UBN1: variants seen among roughly 807,000 people sequenced by gnomAD.
The protein encoded by UBN1 is ubinuclein 1.
A neutral mutation model predicts 108.5 loss-of-function variants in UBN1; 17 were observed. The ratio of observed to expected loss-of-function variants is 0.16; its 90% CI spans 0.11 to 0.24. UBN1 has a LOEUF of 0.24. Among genes scored for constraint, UBN1 ranks in the 10% least tolerant of loss-of-function variants. UBN1 has a pLI of 1.00. For missense variants in UBN1, 1,595 were observed against 1,394.4 expected (o/e 1.14, Z -2.29); for synonymous variants, 726 against 564.2 (o/e 1.29, Z -4.07).
In UBN1 at chr16:4,870,824, T is replaced by C. The variant is rs753089166; in HGVS notation, c.1431-20T>C. On this transcript the variant is annotated intron_variant, in intron 10 of 17. Coordinates refer to ENST00000262376, the MANE Select transcript of UBN1 (RefSeq NM_001079514.3). ...GGCAGGAGCACCTTGGGGCCCCATG[T>C]AATTCTATTCACCCCGTAGGATGCT... 1.9e-6 allele frequency: 3 copies of C among 1,613,222 alleles called. No individual in the cohort carries two copies. Among genetic ancestry groups the C allele is most frequent in the Non-Finnish European group, 2.5e-6 (3 of 1,179,666 alleles).
chr16:4,864,102 A>G (rs1437101893), intron 7 of UBN1, among the ~76,000 whole-genome samples: 4 of 103,888 alleles, frequency 3.9e-5, no homozygotes, highest in East Asian at 4.9e-4. Context: ...TTTTTTTGAG[A>G]CAGAGTCTGA....
Position 4,860,680 on chromosome 16 carries a change from G to A in UBN1, c.688G>A (p.Ala230Thr), listed in dbSNP as rs1373967190. Reference protein sequence around the residue: ...FSKAGFTALNASKEKKKKKYS... With the variant: ...FSKAGFTALNTSKEKKKKKYS... ...TGCTTGCAGCTTCACAGCCCTCAATGCCAGTAAGGAGAAGAAGAAGAAGAA... is the reference window on the plus strand; with the variant it reads ...TGCTTGCAGCTTCACAGCCCTCAATACCAGTAAGGAGAAGAAGAAGAAGAA... The change falls in exon 7 of 18, where the codon GCC becomes ACC. Residue 230 changes from alanine to threonine, a missense_variant. By Grantham distance (58) the Ala-to-Thr change is moderately conservative. Transcript: ENST00000262376. 2 of 1,612,208 alleles carry A rather than the reference G, an allele frequency of 1.2e-6. No homozygotes were observed. The highest frequency in any genetic ancestry group is 8.5e-7 in the Non-Finnish European group (1 of 1,179,638).
In UBN1 at chr16:4,877,599, C is replaced by G. The variant is rs1244792333; in HGVS notation, c.3355+125C>G. 1.4e-6 allele frequency: 2 copies of G among 1,429,384 alleles called. No individual in the cohort carries two copies. The highest frequency in any genetic ancestry group is 1.5e-5 in the South Asian group (1 of 65,276). The allele number at this position is 1,429,384 out of a possible 1,614,324, so 88.5% of individuals were successfully genotyped here. A position where few individuals can be genotyped will look rare whatever the true frequency, so the allele number is the denominator to read the frequency against. ...TGACGCTGTTGTTGTTTTGGTTTGT[C>G]CTTTGAGGCTGTGCTTTGTCAGTAC... On this transcript the variant is annotated intron_variant, in intron 17 of 17. Coordinates refer to ENST00000262376, the MANE Select transcript of UBN1 (RefSeq NM_001079514.3). The surrounding 1 kb of genome is among the most constrained non-coding windows in gnomAD (Gnocchi z 4.3).
intron 2 of UBN1, among the ~76,000 whole-genome samples, chr16:4,854,774 A>T (rs561810866): frequency 6.7e-6 from 1 of 148,572 alleles, no homozygotes; most frequent in South Asian, 2.2e-4. Flanking sequence ...CCAGGCTGGC[A>T]TGCAGTGGTG....
chr16:4,878,602 C>T (rs2142300749), intron 17 of UBN1, among the ~76,000 whole-genome samples: 1 of 152,352 alleles, frequency 6.6e-6, no homozygotes, highest in Admixed American at 6.5e-5. Flanking sequence ...AAGTAAAGTG[C>T]AGTGACTTCT....
Position 4,874,191 on chromosome 16 carries a change from A to G in UBN1, c.1801-20A>G, listed in dbSNP as rs777266354. 4.6e-6 allele frequency: 7 copies of G among 1,528,136 alleles called. No individual in the cohort carries two copies. Among genetic ancestry groups the G allele is most frequent in the Middle Eastern group, 1.8e-4 (1 of 5,662 alleles). The allele number at this position is 1,528,136 out of a possible 1,614,324, so 94.7% of individuals were successfully genotyped here. ...CATCTTTGGACCTTTCTAAACATCA[A>G]CATTTCTGTTTTCCTTTAGGAATCG... On this transcript the variant is annotated intron_variant, in intron 14 of 17. Transcript: ENST00000262376.
Position 4,870,358 on chromosome 16 carries a change from T to G in UBN1, c.1311+17T>G, listed in dbSNP as rs1164910619. The G allele has an allele frequency of 1.1e-5, 18 of 1,613,468 alleles. No homozygotes were observed. The highest frequency in any genetic ancestry group is 1.5e-5 in the Non-Finnish European group (18 of 1,179,716). On this transcript the variant is annotated intron_variant, in intron 9 of 17. Transcript: ENST00000262376. ...TATGAACAGGTGGGTGACTCTAGAG[T>G]GAAGCCCTTTGGCTTTGGGGTCCTG... is the stretch of plus-strand genomic sequence containing the variant.
rs1010142892 is a variant in UBN1, at chr16:4,875,562, C to A, written c.3024+128C>A. On this transcript the variant is annotated intron_variant, in intron 15 of 17. Transcript: ENST00000262376. Reference sequence around the variant, plus strand: ...GTCAGGTAGGAACAGTGGGCTCAGACGTAGGAAGGGAGACTGGGCTCCCTG... The same window carrying A: ...GTCAGGTAGGAACAGTGGGCTCAGAAGTAGGAAGGGAGACTGGGCTCCCTG... The A allele has an allele frequency of 2.2e-6, 3 of 1,352,294 alleles. No individual in the cohort carries two copies. The African/African-American group carries it at 4.4e-5, about 20-fold the overall frequency. The allele number at this position is 1,352,294 out of a possible 1,614,324, so 83.8% of individuals were successfully genotyped here.
In UBN1 at chr16:4,874,261, T is replaced by G. The variant is rs2087774469; in HGVS notation, c.1851T>G (p.Ile617Met). ...AGGTTTCTGTCCCATCAGGACAGAT[T>G]GGTGGCCCCATTGCTTTGCCCTCAG... ...DKKVSVPSGQIGGPIALPSDH... is the reference protein window; with the variant it reads ...DKKVSVPSGQMGGPIALPSDH... The change falls in exon 15 of 18, where the codon ATT (isoleucine) becomes ATG (methionine). Residue 617 changes from isoleucine to methionine, a missense_variant. Coordinates refer to ENST00000262376, the MANE Select transcript of UBN1 (RefSeq NM_001079514.3). 6.2e-7 allele frequency: 1 copy of G among 1,609,936 alleles called. No individual in the cohort carries two copies. Among genetic ancestry groups the G allele is most frequent in the Non-Finnish European group, 8.5e-7 (1 of 1,177,666 alleles).
chr16:4,870,671 C>A, intron 10 of UBN1, 37 bp downstream of exon 10: 1 of 1,610,744 alleles, frequency 6.2e-7, no homozygotes, highest in Non-Finnish European at 8.5e-7. Flanking sequence ...GCAACCCTCC[C>A]GTCTTGCCTC....
At position 4,874,279 on chromosome 16, in the gene UBN1, G is replaced by A. The variant is rs144134592; in HGVS notation, c.1869G>A (p.Leu623=). The A allele has an allele frequency of 1.9e-6, 3 of 1,613,492 alleles. No homozygotes were observed. The highest frequency in any genetic ancestry group is 2.5e-6 in the Non-Finnish European group (3 of 1,179,660). ...PSGQIGGPIA[L]PSDHQTGGLS... The stretch of plus-strand genomic sequence containing the variant: ...GACAGATTGGTGGCCCCATTGCTTT[G>A]CCCTCAGATCACCAAACAGGAGGCC... Residue 623 remains leucine (L), a synonymous_variant, in exon 15 of 18, where the codon TTG becomes TTA. Coordinates refer to ENST00000262376, the MANE Select transcript of UBN1 (RefSeq NM_001079514.3).
intron 1 of UBN1, among the ~76,000 whole-genome samples, chr16:4,850,854 A>C (rs2086524772): frequency 6.6e-6 from 1 of 152,242 alleles, no homozygotes; most frequent in Non-Finnish European, 1.5e-5. Context: ...AAATACAGTG[A>C]GTTTTTTTGA....
At chr16:4,850,533 C>G (rs1189550562) in intron 1 of UBN1, among the ~76,000 whole-genome samples, 1 of 152,196 alleles carries the variant, frequency 6.6e-6, no homozygotes, top group East Asian at 1.9e-4. Flanking sequence ...CCCAGCGCAT[C>G]ACAAATATCC....
rs1288465200 is a variant in UBN1, at chr16:4,877,264, G to C, written c.3266-121G>C. 21 of 1,514,174 alleles carry C rather than the reference G, an allele frequency of 1.4e-5. No homozygotes were observed. Among genetic ancestry groups the C allele is most frequent in the Non-Finnish European group, 1.4e-5 (16 of 1,128,126 alleles). 93.8% of individuals were successfully genotyped at this position (1,514,174 alleles called of 1,614,324 possible). ...TGTGCCAAGCCCCCACTGCCCCTTT[G>C]GGTGTGGTGCCCAGACTGGCCTGGC... On this transcript the variant is annotated intron_variant, in intron 16 of 17. Coordinates refer to ENST00000262376, the MANE Select transcript of UBN1 (RefSeq NM_001079514.3). The surrounding 1 kb of genome is among the most constrained non-coding windows in gnomAD (Gnocchi z 4.3).
At chr16:4,861,253 G>T (rs1332148419) in intron 7 of UBN1, 151 bp downstream of exon 7, 3 of 914,452 alleles carry the variant, frequency 3.3e-6, no homozygotes, top group African/African-American at 3.4e-5. Context: ...CATCCTGAGG[G>T]AGAAAACAGT....
intron 2 of UBN1, 52 bp downstream of exon 2, chr16:4,853,218 T>C (rs1187376992): frequency 6.3e-7 from 1 of 1,592,602 alleles, no homozygotes; most frequent in East Asian, 2.2e-5. Flanking sequence ...CAGGGGTCAG[T>C]GCATGCATGT....
intron 1 of UBN1, among the ~76,000 whole-genome samples, chr16:4,851,512 A>G (rs1655418248): frequency 6.6e-6 from 1 of 152,168 alleles, no homozygotes. Flanking sequence ...CGAACATTCT[A>G]GGCATAAAAG....
rs1002290266 is a variant in UBN1 at position 4,853,148 on chromosome 16, C to A, written c.231C>A (p.Gly77=). The A allele has an allele frequency of 1.2e-6, 2 of 1,614,174 alleles. No individual in the cohort carries two copies. The highest frequency in any genetic ancestry group is 2.2e-5 in the South Asian group (2 of 91,090). The change falls in exon 2 of 18, where the codon GGC becomes GGA. Residue 77 remains glycine, a synonymous_variant. Transcript: ENST00000262376. ...AGAATATCCGAGGGAAGGTAAAAGGCCTTCAGCCTGGAGATAAGGTACACC... is the reference window on the plus strand; with the variant it reads ...AGAATATCCGAGGGAAGGTAAAAGGACTTCAGCCTGGAGATAAGGTACACC... ...LVKNIRGKVK[G]LQPGDKKKDL...
At chr16:4,863,624 T>A (rs1055058395) in intron 7 of UBN1, among the ~76,000 whole-genome samples, 1 of 152,122 alleles carries the variant, frequency 6.6e-6, no homozygotes, top group Admixed American at 6.5e-5. Context: ...TTCCCCCCCT[T>A]TTCCCTCTAT....
Sources: gnomAD v4.1 joint callset for allele counts (sites outside exome capture counted in the v4.1 genomes callset) on GRCh38, gnomAD v4.1.1 for gene constraint, Gnocchi (gnomAD v3.1) non-coding constraint, MANE v1.5 for transcripts, NCBI Gene and HGNC (gene_info 2026-07-23, HGNC 2026-07-21) for gene names.